Variants in FAM222A observed in about 807,000 individuals in gnomAD.
FAM222A encodes family with sequence similarity 222 member A, also known as protein FAM222A.
FAM222A carries 7 observed loss-of-function variants against 25.8 expected under a neutral mutation model. The ratio of observed to expected loss-of-function variants is 0.27; its 90% CI spans 0.15 to 0.51. The LOEUF (loss-of-function observed/expected upper bound fraction) is 0.51. Among genes scored for constraint, FAM222A ranks in the 20% least tolerant of loss-of-function variants. The probability of loss-of-function intolerance (pLI) is 0.97; values close to 1 mark genes in which losing one functional copy is unlikely to be tolerated. For missense variants in FAM222A, 573 were observed against 640.5 expected, an observed-to-expected ratio of 0.89 and a Z score of 1.14; for synonymous variants, 294 against 298.8, an observed-to-expected ratio of 0.98 and a Z score of 0.17.
chr12:109,724,825 A>G (rs1451223182), intron 1 of FAM222A, among the ~76,000 whole-genome samples: 3 of 152,082 alleles, frequency 2.0e-5, no homozygotes, highest in Non-Finnish European at 2.9e-5. Context: ...GGAACACCCA[A>G]TGTTGAATGA....
chr12:109,764,747 C>T (rs890892047), intron 2 of FAM222A, among the ~76,000 whole-genome samples: 1 of 152,162 alleles, frequency 6.6e-6, no homozygotes, highest in East Asian at 1.9e-4. Context: ...CTCATTATAG[C>T]AACTGCTGAT....
chr12:109,719,266 G>C (rs1297708120), intron 1 of FAM222A, among the ~76,000 whole-genome samples: 1 of 152,192 alleles, frequency 6.6e-6, no homozygotes, highest in East Asian at 1.9e-4. Flanking sequence ...TGAGAAGCAG[G>C]GGCCCAGAGA....
intron 1 of FAM222A, among the ~76,000 whole-genome samples, chr12:109,720,658 A>C (rs1185130927): frequency 6.6e-6 from 1 of 152,252 alleles, no homozygotes; most frequent in Non-Finnish European, 1.5e-5. Flanking sequence ...CCATCCGTTC[A>C]TTCAGAGAGC....
At chr12:109,721,739 A>G (rs1887750552) in intron 1 of FAM222A, among the ~76,000 whole-genome samples, 3 of 152,120 alleles carry the variant, frequency 2.0e-5, no homozygotes, top group Admixed American at 6.5e-5. Flanking sequence ...ACCCTCTTCT[A>G]ACTCCCACTT....
chr12:109,716,458 A>G (rs925253712), intron 1 of FAM222A, among the ~76,000 whole-genome samples: 1 of 152,194 alleles, frequency 6.6e-6, no homozygotes, highest in Non-Finnish European at 1.5e-5. Context: ...CAAGCTCTCT[A>G]GCTAGATTAA....
At chr12:109,748,334 CTTTTT>C (rs61492433) in intron 2 of FAM222A, among the ~76,000 whole-genome samples, 3 of 81,632 alleles carry the variant, frequency 3.7e-5, no homozygotes, top group African/African-American at 3.9e-5. Context: ...GGTTTTCTTT[CTTTTT>C]TTTTTTTTTT....
intron 1 of FAM222A, among the ~76,000 whole-genome samples, chr12:109,740,279 G>C (rs1033212759): frequency 1.3e-5 from 2 of 152,106 alleles, no homozygotes; most frequent in Non-Finnish European, 2.9e-5. Flanking sequence ...CCTTTTCCTC[G>C]GGTGTCTCCG....
intron 1 of FAM222A, among the ~76,000 whole-genome samples, chr12:109,740,220 G>A (rs538742944): frequency 2.6e-4 from 39 of 152,154 alleles, no homozygotes. Context: ...TAAATCCTCA[G>A]CTATGAAAGG....
chr12:109,747,812 A>G lies in FAM222A; in HGVS notation c.82+3584A>G, dbSNP rs187646004. On this transcript the variant is annotated intron_variant, in intron 2 of 2. Transcript: ENST00000538780. ...TTTTATTGTTCTTAATGGTTTTTCA[A>G]TTTAGGCGCTTGGGTTTTCCAGTTA... Among the ~76,000 whole-genome samples the G allele has an allele frequency of 1.6e-3, 248 of 152,296 alleles. 1 individual carries two copies. Among genetic ancestry groups the G allele is most frequent in the African/African-American group, 5.5e-3 (228 of 41,564 alleles).
intron 2 of FAM222A, among the ~76,000 whole-genome samples, chr12:109,749,784 AAATCTTCATAATGAATTATATCCT>A (rs1888509452): frequency 6.6e-6 from 1 of 152,218 alleles, no homozygotes; most frequent in African/African-American, 2.4e-5. Flanking sequence ...TAATAATCTT[AAATCTTCATAATGAATTATATCCT>A]AAGAGATAAA....
At position 109,754,666 on chromosome 12, in the gene FAM222A, CTT is replaced by C. The variant is rs35822126; in HGVS notation, c.82+10452_82+10453del. On this transcript the variant is annotated intron_variant, in intron 2 of 2. Coordinates refer to ENST00000538780, the MANE Select transcript of FAM222A (RefSeq NM_032829.3). ...GGCCCACAGGCAGTAGTTTGGGACTCTTTTTTTTTTTTTTTCTTTGAAACAGG... is the reference window on the plus strand; with the variant it reads ...GGCCCACAGGCAGTAGTTTGGGACTCTTTTTTTTTTTTTCTTTGAAACAGG... 6.6e-4 allele frequency among the ~76,000 whole-genome samples: 95 copies of C among 143,556 alleles called. No homozygotes were observed. The East Asian group carries it at 7.0e-3, about 11-fold the overall frequency. 94.2% of individuals were successfully genotyped at this position (143,556 alleles called of 152,430 possible). A position where few individuals can be genotyped will look rare whatever the true frequency, so the allele number is the denominator to read the frequency against.
intron 1 of FAM222A, among the ~76,000 whole-genome samples, chr12:109,723,475 C>T (rs1235166115): frequency 6.6e-6 from 1 of 152,214 alleles, no homozygotes; most frequent in Non-Finnish European, 1.5e-5. Context: ...TGGTTCGCCC[C>T]ACCCAGCCAC....
intron 1 of FAM222A, among the ~76,000 whole-genome samples, chr12:109,723,403 C>T (rs911887621): frequency 1.3e-5 from 2 of 152,202 alleles, no homozygotes; most frequent in African/African-American, 4.8e-5. Flanking sequence ...CCAACTAGGC[C>T]GGAGGTTCTG....
At chr12:109,746,053 G>A (rs1888392019) in intron 2 of FAM222A, among the ~76,000 whole-genome samples, 1 of 152,098 alleles carries the variant, frequency 6.6e-6, no homozygotes, top group African/African-American at 2.4e-5. Context: ...TGCCATGGAG[G>A]AATTTTGTTT....
chr12:109,725,977 G>A (rs1887835104), intron 1 of FAM222A, among the ~76,000 whole-genome samples: 1 of 152,066 alleles, frequency 6.6e-6, no homozygotes, highest in Non-Finnish European at 1.5e-5. Flanking sequence ...GTGGGAGAGA[G>A]AAAGGGGGAC....
chr12:109,741,805 T>C (rs1022923075), intron 1 of FAM222A, among the ~76,000 whole-genome samples: 1 of 152,166 alleles, frequency 6.6e-6, no homozygotes, highest in African/African-American at 2.4e-5. Flanking sequence ...GGTTCCAGCC[T>C]TCCAGCCCAG....
At chr12:109,762,782 T>A (rs538452053) in intron 2 of FAM222A, among the ~76,000 whole-genome samples, 3 of 152,120 alleles carry the variant, frequency 2.0e-5, no homozygotes, top group Non-Finnish European at 2.9e-5. Context: ...CTCAGGAAAG[T>A]CCTTCAGGGA....
intron 2 of FAM222A, among the ~76,000 whole-genome samples, chr12:109,764,221 T>C (rs866659197): frequency 3.9e-3 from 39 of 9,886 alleles, no homozygotes; most frequent in Non-Finnish European, 6.8e-3. Context: ...GACCCTGTCT[T>C]CAAAAAAAAA....
At chr12:109,723,333 A>T (rs1887783384) in intron 1 of FAM222A, among the ~76,000 whole-genome samples, 1 of 152,192 alleles carries the variant, frequency 6.6e-6, no homozygotes. Flanking sequence ...CCTGGGGATG[A>T]GGAAGGAGCC....
Sources: gnomAD v4.1 joint callset for allele counts (sites outside exome capture counted in the v4.1 genomes callset) on GRCh38, gnomAD v4.1.1 for gene constraint, MANE v1.5 for transcripts, NCBI Gene and HGNC (gene_info 2026-07-23, HGNC 2026-07-21) for gene names.